Variants in MEF2C observed in about 807,000 individuals in gnomAD.
The protein encoded by MEF2C is myocyte enhancer factor 2C.
MEF2C carries 6 observed loss-of-function variants against 50.5 expected under a neutral mutation model. The observed-to-expected ratio is 0.12, with a 90% CI of 0.07 to 0.23. MEF2C has a LOEUF of 0.23. MEF2C is among the 10% of genes least tolerant of loss of function. MEF2C has a pLI of 1.00. For synonymous variants in MEF2C, 183 were observed against 228.0 expected (o/e 0.80, Z 1.78); for missense variants, 276 against 605.0 (o/e 0.46, Z 5.70).
At chr5:88,743,558 T>C (rs1378994186) in intron 6 of MEF2C, 2 of 975,742 alleles carry the variant, frequency 2.0e-6, no homozygotes, top group Admixed American at 6.2e-5. Context: ...ATTTTATGAT[T>C]ATATTATCAT....
chr5:88,816,621 AG>A (rs1805555731), intron 2 of MEF2C, among the ~76,000 whole-genome samples: 1 of 151,834 alleles, frequency 6.6e-6, no homozygotes, highest in Non-Finnish European at 1.5e-5. Context: ...GATTAATAAA[AG>A]AATGATTTAA....
At chr5:88,774,951 C>T (rs1290478970) in intron 3 of MEF2C, among the ~76,000 whole-genome samples, 5 of 152,180 alleles carry the variant, frequency 3.3e-5, no homozygotes, top group Non-Finnish European at 7.3e-5. Context: ...GTGTGCCTGC[C>T]TCTGTTCCAC....
At chr5:88,742,491 T>G in intron 6 of MEF2C, 1 of 979,268 alleles carries the variant, frequency 1.0e-6, no homozygotes, top group Non-Finnish European at 1.2e-6. Flanking sequence ...ATCTTCACAG[T>G]ACTTTACTGT....
intron 1 of MEF2C, among the ~76,000 whole-genome samples, chr5:88,829,583 A>G (rs145777690): frequency 1.3e-4 from 20 of 152,156 alleles, no homozygotes; most frequent in African/African-American, 4.8e-4. Flanking sequence ...TTCAGCTTCT[A>G]CTTTTACTGA....
At chr5:88,821,726 G>T (rs940669815) in intron 2 of MEF2C, among the ~76,000 whole-genome samples, 4 of 151,786 alleles carry the variant, frequency 2.6e-5, no homozygotes, top group African/African-American at 9.7e-5. Context: ...CACTGAGATA[G>T]AGAGTAGACT....
chr5:88,869,298 C>CCATATATAT (rs1828687855), intron 1 of MEF2C, among the ~76,000 whole-genome samples: 1 of 101,136 alleles, frequency 9.9e-6, no homozygotes, highest in East Asian at 2.6e-4. Flanking sequence ...TATATATACA[C>CCATATATAT]ATATATATAT....
At chr5:88,738,794 GT>G in intron 6 of MEF2C, 10 of 985,364 alleles carry the variant, frequency 1.0e-5, no homozygotes, top group Non-Finnish European at 1.2e-5. Context: ...ATAGTAAATA[GT>G]AGTTCTGGTT....
chr5:88,753,619 G>C (rs146695100), intron 4 of MEF2C, among the ~76,000 whole-genome samples: 1,699 of 152,280 alleles, frequency 0.011, 12 homozygotes, highest in Middle Eastern at 0.017. Flanking sequence ...TTGAACTCCT[G>C]AGCGCAGGTG....
At position 88,878,762 on chromosome 5, in the gene MEF2C, C is replaced by G. The variant is rs1306129336; in HGVS notation, c.-143+4193G>C. Among the ~76,000 whole-genome samples, 3 of 151,750 alleles carry G rather than the reference C, an allele frequency of 2.0e-5. 1 individual carries two copies. The South Asian group carries it at 6.2e-4, about 31-fold the overall frequency. On this transcript the variant is annotated intron_variant, in intron 1 of 10. Transcript: ENST00000504921. Reference sequence around the variant, plus strand: ...GACACAGCAGGAAAAAAAATTATATCTCTTTTAAGATATTTTAGTGTGTAA... The same window carrying G: ...GACACAGCAGGAAAAAAAATTATATGTCTTTTAAGATATTTTAGTGTGTAA...
At chr5:88,756,259 A>C (rs1481324952) in intron 4 of MEF2C, among the ~76,000 whole-genome samples, 1 of 152,222 alleles carries the variant, frequency 6.6e-6, no homozygotes, top group East Asian at 1.9e-4. Context: ...TTACCCAAAT[A>C]GTGAACATTG....
intron 3 of MEF2C, among the ~76,000 whole-genome samples, chr5:88,787,371 A>C (rs187037715): frequency 6.6e-6 from 1 of 152,308 alleles, no homozygotes; most frequent in East Asian, 1.9e-4. Context: ...AGGGTTGACA[A>C]TGGGCTCTGA....
intron 3 of MEF2C, among the ~76,000 whole-genome samples, chr5:88,764,494 G>T (rs627450): frequency 0.71 from 108,132 of 151,700 alleles, 39,531 homozygotes; most frequent in East Asian, 0.92. Flanking sequence ...CTATAGTTAG[G>T]ACACTGGACG....
intron 8 of MEF2C, 71 bp from the exon 9 acceptor site, chr5:88,729,418 AG>A (rs1156337434): frequency 7.6e-7 from 1 of 1,323,402 alleles, no homozygotes; most frequent in African/African-American, 1.5e-5. Context: ...TTTCAGTATT[AG>A]TTTTCCACAT....
At chr5:88,840,500 ATTT>A (rs988269817) in intron 1 of MEF2C, among the ~76,000 whole-genome samples, 2 of 152,126 alleles carry the variant, frequency 1.3e-5, no homozygotes, top group Non-Finnish European at 2.9e-5. Context: ...TCAAATAAAT[ATTT>A]TTATTTATCC....
At chr5:88,761,119 T>C in intron 4 of MEF2C, 66 bp downstream of exon 4, 1 of 1,614,030 alleles carries the variant, frequency 6.2e-7, no homozygotes, top group Non-Finnish European at 8.5e-7. Context: ...TCTTTCTTGT[T>C]CAATGCCTGC....
intron 1 of MEF2C, among the ~76,000 whole-genome samples, chr5:88,850,762 GAATA>G (rs991776684): frequency 6.6e-6 from 1 of 151,248 alleles, no homozygotes; most frequent in African/African-American, 2.4e-5. Context: ...ATTTAAGAAA[GAATA>G]TATATGTACA....
intron 1 of MEF2C, among the ~76,000 whole-genome samples, chr5:88,891,319 A>T (rs1199182159): frequency 6.6e-6 from 1 of 151,866 alleles, no homozygotes; most frequent in African/African-American, 2.4e-5. Context: ...CTCAAATTTG[A>T]TAAAGATATC....
chr5:88,829,424 G>C (rs2153229177), intron 1 of MEF2C, among the ~76,000 whole-genome samples: 1 of 152,004 alleles, frequency 6.6e-6, no homozygotes, highest in South Asian at 2.1e-4. Flanking sequence ...ATGTTTGCTT[G>C]TCTTCCTCAA....
intron 4 of MEF2C, among the ~76,000 whole-genome samples, chr5:88,753,583 G>A (rs903175332): frequency 6.6e-6 from 1 of 152,136 alleles, no homozygotes; most frequent in Non-Finnish European, 1.5e-5. Flanking sequence ...TAGAGATGGG[G>A]TTTTGCCATG....
Sources: allele counts gnomAD v4.1 joint callset (sites outside exome capture counted in the v4.1 genomes callset), GRCh38; gene constraint gnomAD v4.1.1; transcripts MANE v1.5; gene names NCBI Gene and HGNC (gene_info 2026-07-23, HGNC 2026-07-21).